Variants in IQGAP1 observed in about 807,000 individuals in gnomAD.
IQGAP1 encodes the protein ras GTPase-activating-like protein IQGAP1.
Under a neutral mutation model 215.6 loss-of-function variants are expected in IQGAP1, and 66 were observed. The observed-to-expected ratio is 0.31, with a 90% CI of 0.25 to 0.38. IQGAP1 has a LOEUF of 0.38. IQGAP1 is among the 10% of genes least tolerant of loss of function. The pLI is 1.00. For missense variants in IQGAP1, 1,712 were observed against 1,997.1 expected (o/e 0.86, Z 2.72); for synonymous variants, 772 against 728.7 (o/e 1.06, Z -0.96).
chr15:90,474,423 T>C, intron 22 of IQGAP1, 62 bp from the exon 23 acceptor site: 1 of 1,269,564 alleles, frequency 7.9e-7, no homozygotes, highest in East Asian at 2.3e-5. Context: ...AAGACAATGC[T>C]ATTTCCTGAG....
intron 17 of IQGAP1, 55 bp downstream of exon 17, chr15:90,466,491 G>T (rs997962165): frequency 8.2e-5 from 89 of 1,089,106 alleles, no homozygotes; most frequent in Non-Finnish European, 1.2e-4. Context: ...AGTATATGAG[G>T]GGACAGATGT....
intron 15 of IQGAP1, among the ~76,000 whole-genome samples, chr15:90,458,340 A>C (rs569659641): frequency 6.6e-6 from 1 of 152,146 alleles, no homozygotes; most frequent in Non-Finnish European, 1.5e-5. Flanking sequence ...CATATGAATT[A>C]TTTGCACTTT....
chr15:90,410,065 G>A (rs1408592212), intron 2 of IQGAP1, among the ~76,000 whole-genome samples: 2 of 152,126 alleles, frequency 1.3e-5, no homozygotes, highest in Non-Finnish European at 2.9e-5. Context: ...TGTCAGATGA[G>A]CAGATTGCAA....
At chr15:90,466,603 T>TC (rs372502355) in intron 17 of IQGAP1, among the ~76,000 whole-genome samples, 167 bp downstream of exon 17, 11,378 of 143,024 alleles carry the variant, frequency 0.08, 1,061 homozygotes, top group African/African-American at 0.24. Flanking sequence ...AAAATATCCT[T>TC]CCCCCCCCCC....
At chr15:90,396,390 TGAG>T (rs566612217) in intron 2 of IQGAP1, among the ~76,000 whole-genome samples, 2 of 152,288 alleles carry the variant, frequency 1.3e-5, no homozygotes, top group South Asian at 4.1e-4. Flanking sequence ...ATTCTCAAAA[TGAG>T]GAGCATCACT....
chr15:90,468,995 G>A (rs1016020171), intron 18 of IQGAP1, among the ~76,000 whole-genome samples: 10 of 152,068 alleles, frequency 6.6e-5, no homozygotes, highest in Admixed American at 3.3e-4. Context: ...ACTTGGATTC[G>A]AATTTTAGTG....
At chr15:90,425,785 A>G (rs1331246263) in intron 2 of IQGAP1, among the ~76,000 whole-genome samples, 1 of 152,202 alleles carries the variant, frequency 6.6e-6, no homozygotes, top group Non-Finnish European at 1.5e-5. Flanking sequence ...AGGATTTGTT[A>G]AAGAGCAACT....
rs777236214 is a variant in IQGAP1 at position 90,491,412 on chromosome 15, C to G, written c.4328C>G (p.Ser1443Cys). 4 of 1,614,138 alleles carry G rather than the reference C, an allele frequency of 2.5e-6. No homozygotes were observed. Among genetic ancestry groups the G allele is most frequent in the Admixed American group, 1.7e-5 (1 of 60,016 alleles). ...KTPDKMKKSK[S>C]VKEDSNLTLQ... ...CCTGACAAGATGAAAAAGTCAAAAT[C>G]TGTAAAGGAAGACAGCAACCTCACT... The change falls in exon 34 of 38, where the codon TCT (serine) becomes TGT (cysteine). Residue 1443 changes from serine to cysteine, a missense_variant. By Grantham distance (112) the Ser-to-Cys change is moderately radical (BLOSUM62 -1). Around this residue, in one of 2 missense-constraint regions of IQGAP1, gnomAD observed 691 missense variants for 923.0 expected, o/e 0.75. Transcript: ENST00000268182.
intron 4 of IQGAP1, among the ~76,000 whole-genome samples, chr15:90,432,926 T>A (rs1441244937): frequency 6.6e-6 from 1 of 152,208 alleles, no homozygotes; most frequent in Non-Finnish European, 1.5e-5. Context: ...CCAGTCTAAA[T>A]CTACTCTGTT....
chr15:90,500,105 G>C lies in IQGAP1; in HGVS notation c.4971G>C (p.Lys1657Asn), dbSNP rs765461777. Reference sequence around the variant, plus strand: ...TTCTCAACAAAAAGTTCTACGGGAAGTAATTGATCGTTTGCTGCCAGCCCA... The same window carrying C: ...TTCTCAACAAAAAGTTCTACGGGAACTAATTGATCGTTTGCTGCCAGCCCA... Reference protein sequence around the residue: ...IFLLNKKFYGK With the variant: ...IFLLNKKFYGN The change falls in exon 38 of 38, where the codon AAG becomes AAC. Residue 1657 changes from lysine (K) to asparagine (N), a missense_variant. Coordinates refer to ENST00000268182, the MANE Select transcript of IQGAP1 (RefSeq NM_003870.4). 1.4e-5 allele frequency: 22 copies of C among 1,553,032 alleles called. 1 individual carries two copies. Among genetic ancestry groups the C allele is most frequent in the African/African-American group, 5.4e-5 (4 of 73,686 alleles).
At chr15:90,468,774 C>T (rs921825966) in intron 18 of IQGAP1, among the ~76,000 whole-genome samples, 1 of 151,954 alleles carries the variant, frequency 6.6e-6, no homozygotes. Flanking sequence ...AAGGCTGTAA[C>T]GAGCCATGAT....
chr15:90,411,049 T>G (rs1964957411), intron 2 of IQGAP1, among the ~76,000 whole-genome samples: 1 of 152,112 alleles, frequency 6.6e-6, no homozygotes, highest in Non-Finnish European at 1.5e-5. Flanking sequence ...TTTTTTATGC[T>G]TTTTGAATTT....
At chr15:90,433,662 A>G in intron 4 of IQGAP1, 57 bp from the exon 5 acceptor site, 1 of 1,000,680 alleles carries the variant, frequency 1.0e-6, no homozygotes, top group Admixed American at 2.0e-5. Flanking sequence ...TGATTGGTGA[A>G]TGTCAGATGA....
chr15:90,453,922 A>G (rs1649661372), intron 13 of IQGAP1, among the ~76,000 whole-genome samples: 1 of 152,234 alleles, frequency 6.6e-6, no homozygotes, highest in South Asian at 2.1e-4. Context: ...CATTAGAGAT[A>G]CTAAGATTGA....
At chr15:90,484,547 T>C (rs1966099953) in intron 30 of IQGAP1, among the ~76,000 whole-genome samples, 195 bp downstream of exon 30, 1 of 152,100 alleles carries the variant, frequency 6.6e-6, no homozygotes, top group Non-Finnish European at 1.5e-5. Flanking sequence ...CTCACTGTGT[T>C]GCCCAGGCTG....
intron 3 of IQGAP1, among the ~76,000 whole-genome samples, chr15:90,429,140 A>G (rs536384156): frequency 6.6e-6 from 1 of 152,314 alleles, no homozygotes; most frequent in East Asian, 1.9e-4. Flanking sequence ...GGAATGAGCC[A>G]CCGTCCCAGC....
chr15:90,395,006 G>A (rs183874301), intron 2 of IQGAP1, among the ~76,000 whole-genome samples: 2 of 152,290 alleles, frequency 1.3e-5, no homozygotes, highest in East Asian at 3.9e-4. Context: ...CTGTGGGTTT[G>A]TGTTTCCCTG....
intron 15 of IQGAP1, among the ~76,000 whole-genome samples, chr15:90,458,243 C>T (rs1382043382): frequency 6.6e-6 from 1 of 152,130 alleles, no homozygotes; most frequent in East Asian, 1.9e-4. Flanking sequence ...ATGACTGTAC[C>T]ACATTTTATT....
chr15:90,472,910 C>G lies in IQGAP1; in HGVS notation c.2249C>G (p.Thr750Ser). The change falls in exon 19 of 38, where the codon ACC (threonine) becomes AGC (serine). Residue 750 changes from threonine to serine, a missense_variant. Physicochemically the swap from Thr to Ser is moderately conservative, Grantham distance 58. Around this residue, in one of 2 missense-constraint regions of IQGAP1, gnomAD observed 1,021 missense variants for 1,074.2 expected, o/e 0.95. Transcript: ENST00000268182. Reference protein sequence around the residue: ...QLWLANEGLITRLQARCRGYL... With the variant: ...QLWLANEGLISRLQARCRGYL... ...TGGCTGGCCAATGAAGGCCTGATCACCAGGCTGCAGGCTCGCTGCCGTGGA... is the reference window on the plus strand; with the variant it reads ...TGGCTGGCCAATGAAGGCCTGATCAGCAGGCTGCAGGCTCGCTGCCGTGGA... The G allele has an allele frequency of 1.2e-6, 2 of 1,613,900 alleles. No individual in the cohort carries two copies. The highest frequency in any genetic ancestry group is 1.7e-6 in the Non-Finnish European group (2 of 1,179,888).
Sources: allele counts gnomAD v4.1 joint callset (sites outside exome capture counted in the v4.1 genomes callset), GRCh38; gene constraint gnomAD v4.1.1; regional missense constraint gnomAD v4.1.1; transcripts MANE v1.5; gene names NCBI Gene and HGNC (gene_info 2026-07-23, HGNC 2026-07-21).